The following UBQLN3 variants were observed in gnomAD, a reference collection of about 807,000 sequenced individuals.
UBQLN3 encodes the protein ubiquilin-3.
Under a neutral mutation model 2.9 loss-of-function variants are expected in UBQLN3, and 1 was observed. The observed-to-expected ratio is 0.35, with a 90% CI of 0.12 to 1.66. The LOEUF (loss-of-function observed/expected upper bound fraction) is 1.66, where lower values mean the gene tolerates loss of function less well. Among genes scored for constraint, UBQLN3 ranks in the 40% most tolerant of loss-of-function variants. UBQLN3 has a pLI of 0.35. For synonymous variants in UBQLN3, 358 were observed against 317.6 expected, an observed-to-expected ratio of 1.13 and a Z score of -1.35; for missense variants, 924 against 816.5, an observed-to-expected ratio of 1.13 and a Z score of -1.61.
Position 5,507,360 on chromosome 11 carries a change from G to A in UBQLN3, c.*231C>T. ...ATAGGCATAAGCAGAGCTTAGACTGGGGCCCCCCAGTGGTATAGTGGTACA... is the reference window on the plus strand; with the variant it reads ...ATAGGCATAAGCAGAGCTTAGACTGAGGCCCCCCAGTGGTATAGTGGTACA... On this transcript the variant is annotated 3_prime_UTR_variant, in exon 2 of 2. Transcript: ENST00000311659. 1 of 751,676 alleles carries A rather than the reference G, an allele frequency of 1.3e-6. No individual in the cohort carries two copies. Among genetic ancestry groups the A allele is most frequent in the South Asian group, 2.9e-5 (1 of 34,580 alleles). The allele number at this position is 751,676 out of a possible 1,614,324, so 46.6% of individuals were successfully genotyped here.
rs781538384 is a variant in UBQLN3, at chr11:5,509,604, T to C, written c.-36-10A>G. On this transcript the variant is annotated splice_polypyrimidine_tract_variant and intron_variant, in intron 1 of 1. Coordinates refer to ENST00000311659, the MANE Select transcript of UBQLN3 (RefSeq NM_017481.4). ...ATCTGTGGGGACACAGCTAGGGGCA[T>C]GGGGATTGGAGACCAAGATCATCCT... 10 of 1,573,658 alleles carry C rather than the reference T, an allele frequency of 6.4e-6. No homozygotes were observed. The highest frequency in any genetic ancestry group is 7.7e-6 in the Non-Finnish European group (9 of 1,163,032).
rs142089695 is a variant in UBQLN3 at position 5,509,496 on chromosome 11, G to A, written c.63C>T (p.Leu21=). 7.4e-6 allele frequency: 12 copies of A among 1,614,132 alleles called. No individual in the cohort carries two copies. Among genetic ancestry groups the A allele is most frequent in the East Asian group, 2.2e-5 (1 of 44,892 alleles). The change falls in exon 2 of 2, where the codon CTC becomes CTT. Residue 21 remains leucine (L), a synonymous_variant. Transcript: ENST00000311659. ...TGGGCGTCTTCACTGTCACCTTGAT[G>A]AGGTGGGGATCCTGGACTGGTGCTG... is the stretch of plus-strand genomic sequence containing the variant. ...GSPAPVQDPH[L]IKVTVKTPKD...
chr11:5,509,589 A>G lies in UBQLN3; in HGVS notation c.-31T>C. On this transcript the variant is annotated 5_prime_UTR_variant, in exon 2 of 2. Coordinates refer to ENST00000311659, the MANE Select transcript of UBQLN3 (RefSeq NM_017481.4). Reference sequence around the variant, plus strand: ...CAGCAGGAGGCCCAGATCTGTGGGGACACAGCTAGGGGCATGGGGATTGGA... The same window carrying G: ...CAGCAGGAGGCCCAGATCTGTGGGGGCACAGCTAGGGGCATGGGGATTGGA... 6.3e-7 allele frequency: 1 copy of G among 1,599,580 alleles called. No individual in the cohort carries two copies. Among genetic ancestry groups the G allele is most frequent in the Non-Finnish European group, 8.5e-7 (1 of 1,173,304 alleles).
In UBQLN3 at chr11:5,508,827, C is replaced by G. The variant is rs968859098; in HGVS notation, c.732G>C (p.Leu244Phe). 11 of 1,614,060 alleles carry G rather than the reference C, an allele frequency of 6.8e-6. No individual in the cohort carries two copies. Among genetic ancestry groups the G allele is most frequent in the South Asian group, 2.2e-5 (2 of 91,086 alleles). ...CATTGTAGCCACCAGGAATGCTCTC[C>G]AAGTTACTGAGCACCCGGTCCTGGC... Reference protein sequence around the residue: ...IRSQDRVLSNLESIPGGYNVL... With the variant: ...IRSQDRVLSNFESIPGGYNVL... The change falls in exon 2 of 2, where the codon TTG becomes TTC. Residue 244 changes from leucine (L) to phenylalanine (F), a missense_variant. Physicochemically the swap from Leu to Phe is conservative, Grantham distance 22 (BLOSUM62 0). Coordinates refer to ENST00000311659, the MANE Select transcript of UBQLN3 (RefSeq NM_017481.4). The surrounding 1 kb of genome is among the most constrained non-coding windows in gnomAD (Gnocchi z 4.2).
In UBQLN3 at chr11:5,508,840, ACC is replaced by A; in HGVS notation, c.717_718del (p.Val240AlafsTer3). 1.2e-6 allele frequency: 2 copies of A among 1,614,160 alleles called. No individual in the cohort carries two copies. The highest frequency in any genetic ancestry group is 1.7e-6 in the Non-Finnish European group (2 of 1,180,034). ...AGGAATGCTCTCCAAGTTACTGAGC[ACC>A]CGGTCCTGGCTACGTATCATCTCCT... On this transcript the variant is annotated frameshift_variant, in exon 2 of 2. Coordinates refer to ENST00000311659, the MANE Select transcript of UBQLN3 (RefSeq NM_017481.4). LOFTEE classifies it low-confidence loss of function (END_TRUNC). The surrounding 1 kb of genome is among the most constrained non-coding windows in gnomAD (Gnocchi z 4.2).
chr11:5,509,788 G>C (rs1846446458), intron 1 of UBQLN3, 86 bp downstream of exon 1: 2 of 635,856 alleles, frequency 3.1e-6, no homozygotes, highest in South Asian at 2.2e-5. Flanking sequence ...TCAGGGGAGG[G>C]AAATGCAGGG....
At position 5,509,068 on chromosome 11, in the gene UBQLN3, A is replaced by C; in HGVS notation, c.491T>G (p.Val164Gly). Residue 164 changes from valine (V) to glycine (G), a missense_variant, in exon 2 of 2, where the codon GTG becomes GGG. Transcript: ENST00000311659. ...AATGAGCTGAGTCACAAACTCAGGC[A>C]CAGACACATGCTGCCGCATCAGGGA... Reference protein sequence around the residue: ...PSSLMRQHVSVPEFVTQLIDD... With the variant: ...PSSLMRQHVSGPEFVTQLIDD... The C allele has an allele frequency of 6.2e-7, 1 of 1,614,190 alleles. No individual in the cohort carries two copies. Among genetic ancestry groups the C allele is most frequent in the Non-Finnish European group, 8.5e-7 (1 of 1,180,022 alleles).
chr11:5,507,825 C>T lies in UBQLN3; in HGVS notation c.1734G>A (p.Glu578=), dbSNP rs768711433. ...CTGCAGAGTCCAGTGCTGGGAACAC[C>T]TCAGGAGGTGGATTTGGGAGAGGAT... ...SEDPLPNPPP[E]VFPALDSAEL... is the part of the protein sequence containing the mutation. The change falls in exon 2 of 2, where the codon GAG becomes GAA. Residue 578 remains glutamate (E), a synonymous_variant. Coordinates refer to ENST00000311659, the MANE Select transcript of UBQLN3 (RefSeq NM_017481.4). The T allele has an allele frequency of 2.5e-6, 4 of 1,614,030 alleles. No homozygotes were observed. The highest frequency in any genetic ancestry group is 2.5e-6 in the Non-Finnish European group (3 of 1,180,032).
chr11:5,508,859 T>C lies in UBQLN3; in HGVS notation c.700A>G (p.Ile234Val). ...LRNPAMMQEM[I>V]RSQDRVLSNL... ...CTGAGCACCCGGTCCTGGCTACGTA[T>C]CATCTCCTGCATCATGGCAGGGTTA... The change falls in exon 2 of 2, where the codon ATA (isoleucine) becomes GTA (valine). Residue 234 changes from isoleucine to valine, a missense_variant. Transcript: ENST00000311659. The surrounding 1 kb of genome is among the most constrained non-coding windows in gnomAD (Gnocchi z 4.2). 6.2e-7 allele frequency: 1 copy of C among 1,614,204 alleles called. No individual in the cohort carries two copies. The highest frequency in any genetic ancestry group is 1.1e-5 in the South Asian group (1 of 91,082).
Position 5,508,509 on chromosome 11 carries a change from G to T in UBQLN3, c.1050C>A (p.His350Gln), listed in dbSNP as rs541417204. 1 of 1,613,982 alleles carries T rather than the reference G, an allele frequency of 6.2e-7. No homozygotes were observed. Among genetic ancestry groups the T allele is most frequent in the East Asian group, 2.2e-5 (1 of 44,888 alleles). ...IRLYDYLQQL[H>Q]ENPQSLGTYL... Reference sequence around the variant, plus strand: ...AAGTTCCTAGGGACTGGGGGTTCTCGTGTAATTGCTGGAGATAGTCATAGA... The same window carrying T: ...AAGTTCCTAGGGACTGGGGGTTCTCTTGTAATTGCTGGAGATAGTCATAGA... The change falls in exon 2 of 2, where the codon CAC becomes CAA. Residue 350 changes from histidine (H) to glutamine (Q), a missense_variant. Coordinates refer to ENST00000311659, the MANE Select transcript of UBQLN3 (RefSeq NM_017481.4). This position sits in a 1 kb window ranked among gnomAD's most constrained non-coding sequence, Gnocchi z 4.2.
chr11:5,509,367 G>C lies in UBQLN3; in HGVS notation c.192C>G (p.Ile64Met), dbSNP rs1267005287. ...GATCCTTGAGGATTTTGCCAGCAAA[G>C]ATTAGAACAAGCTGATCGGGGTGGG... ...FKAHPDQLVL[I>M]FAGKILKDPD... Residue 64 changes from isoleucine (I) to methionine (M), a missense_variant, in exon 2 of 2, where the codon ATC becomes ATG. Transcript: ENST00000311659. The C allele has an allele frequency of 6.2e-7, 1 of 1,614,194 alleles. No individual in the cohort carries two copies. Among genetic ancestry groups the C allele is most frequent in the Non-Finnish European group, 8.5e-7 (1 of 1,180,032 alleles).
rs200545596 is a variant in UBQLN3, at chr11:5,507,629, C to T, written c.1930G>A (p.Asp644Asn). The T allele has an allele frequency of 2.1e-3, 3,318 of 1,612,866 alleles. 79 individuals are homozygous for T. The South Asian group carries it at 0.034, about 16-fold the overall frequency. ...AGCTTCTCCACAGCAGCATCCACGT[C>T]GCCCCCCGTAGCAATGAGGGCCTGA... ...NLQALIATGG[D>N]VDAAVEKLRQ... The change falls in exon 2 of 2, where the codon GAC becomes AAC. Residue 644 changes from aspartate (D) to asparagine (N), a missense_variant. Physicochemically the swap from Asp to Asn is conservative, Grantham distance 23. Transcript: ENST00000311659.
chr11:5,509,517 T>C lies in UBQLN3; in HGVS notation c.42A>G (p.Ala14=), dbSNP rs748492346. ...GGEALPQGSP[A]PVQDPHLIKV... The stretch of plus-strand genomic sequence containing the variant: ...TGATGAGGTGGGGATCCTGGACTGG[T>C]GCTGGGCTGCCCTGTGGCAGGGCTT... Residue 14 remains alanine (A), a synonymous_variant, in exon 2 of 2, where the codon GCA becomes GCG. Transcript: ENST00000311659. The C allele has an allele frequency of 1.9e-6, 3 of 1,614,056 alleles. No individual in the cohort carries two copies. Among genetic ancestry groups the C allele is most frequent in the Non-Finnish European group, 2.5e-6 (3 of 1,180,012 alleles).
chr11:5,509,405 G>A lies in UBQLN3; in HGVS notation c.154C>T (p.Gln52Ter), dbSNP rs770455152. Reference sequence around the variant, plus strand: ...TGATCGGGGTGGGCCTTAAAGCGCTGAGATATCTCTTCCTTCAGCTGCTGG... The same window carrying A: ...TGATCGGGGTGGGCCTTAAAGCGCTAAGATATCTCTTCCTTCAGCTGCTGG... Reference protein sequence around the residue: ...TIQQLKEEISQRFKAHPDQLV... With the variant: ...TIQQLKEEIS Residue 52 changes from glutamine to a stop codon, truncating the protein, a stop_gained, in exon 2 of 2, where the codon CAG (glutamine) becomes TAG (stop). Coordinates refer to ENST00000311659, the MANE Select transcript of UBQLN3 (RefSeq NM_017481.4). LOFTEE classifies it low-confidence loss of function (END_TRUNC). 1.9e-6 allele frequency: 3 copies of A among 1,614,230 alleles called. No individual in the cohort carries two copies. The highest frequency in any genetic ancestry group is 1.7e-5 in the Admixed American group (1 of 60,036).
chr11:5,509,025 C>T lies in UBQLN3; in HGVS notation c.534G>A (p.Pro178=), dbSNP rs778608762. The change falls in exon 2 of 2, where the codon CCG becomes CCA. Residue 178 remains proline (P), a synonymous_variant. Transcript: ENST00000311659. ...VTQLIDDPFI[P]GLLSNTGLVR... ...CTAGGCCTGTGTTGGACAGCAGACC[C>T]GGGATGAAGGGGTCATCAATGAGCT... is the stretch of plus-strand genomic sequence containing the variant. 21 of 1,613,934 alleles carry T rather than the reference C, an allele frequency of 1.3e-5. No homozygotes were observed. Among genetic ancestry groups the T allele is most frequent in the South Asian group, 1.2e-4 (11 of 91,086 alleles).
Position 5,507,717 on chromosome 11 carries a change from A to C in UBQLN3, c.1842T>G (p.Ala614=). Residue 614 remains alanine (A), a synonymous_variant, in exon 2 of 2, where the codon GCT becomes GCG. Coordinates refer to ENST00000311659, the MANE Select transcript of UBQLN3 (RefSeq NM_017481.4). Reference sequence around the variant, plus strand: ...GTTGCTCCAGCTGCACCTGAAAGTGAGCCTCAGGCTGCAGCTGCTGGGGAT... The same window carrying C: ...GTTGCTCCAGCTGCACCTGAAAGTGCGCCTCAGGCTGCAGCTGCTGGGGAT... ...STNPQQLQPE[A]HFQVQLEQLR... is the part of the protein sequence containing the mutation. 1.2e-6 allele frequency: 2 copies of C among 1,614,076 alleles called. No individual in the cohort carries two copies. Among genetic ancestry groups the C allele is most frequent in the East Asian group, 2.2e-5 (1 of 44,876 alleles).
chr11:5,508,128 C>CAGCCAGGG lies in UBQLN3; in HGVS notation c.1423_1430dup (p.Ser479GlyfsTer11), dbSNP rs1846412044. 1 of 1,614,072 alleles carries CAGCCAGGG rather than the reference C, an allele frequency of 6.2e-7. No homozygotes were observed. The highest frequency in any genetic ancestry group is 1.1e-5 in the South Asian group (1 of 91,086). ...GAGATCTTGGATAAGCCGGGGATGG[C>CAGCCAGGG]AGCCAGGGAGGCTCAGGGATTCCAG... On this transcript the variant is annotated frameshift_variant, in exon 2 of 2. Transcript: ENST00000311659. LOFTEE classifies it low-confidence loss of function (END_TRUNC). This position sits in a 1 kb window ranked among gnomAD's most constrained non-coding sequence, Gnocchi z 4.2.
At position 5,509,473 on chromosome 11, in the gene UBQLN3, G is replaced by A. The variant is rs375258780; in HGVS notation, c.86C>T (p.Pro29Leu). ...AACTGAGAAATCCTCCTTGTCTTTG[G>A]GCGTCTTCACTGTCACCTTGATGAG... ...PHLIKVTVKTPKDKEDFSVTD... is the reference protein window; with the variant it reads ...PHLIKVTVKTLKDKEDFSVTD... Residue 29 changes from proline (P) to leucine (L), a missense_variant, in exon 2 of 2, where the codon CCC becomes CTC. Physicochemically the swap from Pro to Leu is moderately conservative, Grantham distance 98. Coordinates refer to ENST00000311659, the MANE Select transcript of UBQLN3 (RefSeq NM_017481.4). The A allele has an allele frequency of 4.5e-5, 72 of 1,614,070 alleles. No individual in the cohort carries two copies. In the Middle Eastern group the frequency reaches 4.9e-4, roughly 11 times the overall value.
rs1245656177 is a variant in UBQLN3, at chr11:5,509,605, G to C, written c.-36-11C>G. On this transcript the variant is annotated splice_polypyrimidine_tract_variant and intron_variant, in intron 1 of 1. Transcript: ENST00000311659. ...TCTGTGGGGACACAGCTAGGGGCATGGGGATTGGAGACCAAGATCATCCTT... is the reference window on the plus strand; with the variant it reads ...TCTGTGGGGACACAGCTAGGGGCATCGGGATTGGAGACCAAGATCATCCTT... The C allele has an allele frequency of 2.6e-6, 4 of 1,565,600 alleles. No individual in the cohort carries two copies. In the South Asian group the frequency reaches 4.9e-5, roughly 19 times the overall value.
Sources: allele counts gnomAD v4.1 joint callset, GRCh38; gene constraint gnomAD v4.1.1; non-coding constraint Gnocchi (gnomAD v3.1); transcripts MANE v1.5; gene names NCBI Gene and HGNC (gene_info 2026-07-23, HGNC 2026-07-21).